The following ENTPD1 variants were observed in gnomAD, a reference collection of about 807,000 sequenced individuals.
The protein encoded by ENTPD1 is ATP diphosphohydrolase.
Under a neutral mutation model 57.0 loss-of-function variants are expected in ENTPD1, and 33 were observed. That is an observed-to-expected ratio of 0.58 (90% CI 0.44 to 0.77). The LOEUF (loss-of-function observed/expected upper bound fraction) is 0.77. Ranked by LOEUF, ENTPD1 falls within the 30% of genes least tolerant of loss-of-function variation. The pLI is 0.00. For missense variants in ENTPD1, 501 were observed against 603.4 expected, an observed-to-expected ratio of 0.83 and a Z score of 1.78; for synonymous variants, 202 against 218.8, an observed-to-expected ratio of 0.92 and a Z score of 0.68.
At chr10:95,770,140 A>G (rs1025170775) in intron 1 of ENTPD1, among the ~76,000 whole-genome samples, 2 of 151,684 alleles carry the variant, frequency 1.3e-5, no homozygotes, top group South Asian at 2.1e-4. Context: ...GTAACTAGAA[A>G]AAAAAAAAAA....
chr10:95,746,341 C>T lies in ENTPD1; in HGVS notation c.37+34348C>T, dbSNP rs557834123. On this transcript the variant is annotated intron_variant, in intron 1 of 9. Coordinates refer to the ENTPD1 transcript ENST00000453258. ...TTTGTGAAGTAGATTAAAAAAAAGA[C>T]CTTTATTTTATGGATACATTGGGGT... 2.0e-5 allele frequency among the ~76,000 whole-genome samples: 3 copies of T among 152,158 alleles called. No individual in the cohort carries two copies. In the East Asian group the frequency reaches 5.8e-4, roughly 29 times the overall value.
upstream of ENTPD1, chr10:95,754,972 G>C (rs182882992): frequency 6.6e-6 from 1 of 152,110 alleles, no homozygotes; most frequent in Non-Finnish European, 1.5e-5. Flanking sequence ...ACAGTCCTTC[G>C]GGCTCACAAA....
rs11188446 is a variant in ENTPD1, at chr10:95,719,747, A to C, written c.37+7754A>C. On this transcript the variant is annotated intron_variant, in intron 1 of 9. Transcript: ENST00000453258. ...AGGACAAGAGTGTCCAGGTATGAGA[A>C]TTGACTCAAGTCTTGGGCTAATGCT... Among the ~76,000 whole-genome samples, 626 of 151,278 alleles carry C rather than the reference A, an allele frequency of 4.1e-3. 5 individuals are homozygous for C. The highest frequency in any genetic ancestry group is 0.024 in the Middle Eastern group (7 of 292).
chr10:95,797,071 T>C (rs2098229522), intron 1 of ENTPD1, among the ~76,000 whole-genome samples: 2 of 152,082 alleles, frequency 1.3e-5, no homozygotes, highest in South Asian at 4.2e-4. Context: ...AGACTCTATC[T>C]GAAAAAAACA....
At chr10:95,721,789 C>T (rs1589643275) in intron 1 of ENTPD1, among the ~76,000 whole-genome samples, 1 of 152,016 alleles carries the variant, frequency 6.6e-6, no homozygotes, top group South Asian at 2.1e-4. Context: ...TTCCAGGGTG[C>T]GTAACTACCC....
chr10:95,716,370 G>A (rs901474663), intron 1 of ENTPD1, among the ~76,000 whole-genome samples: 6 of 152,108 alleles, frequency 3.9e-5, no homozygotes, highest in South Asian at 4.1e-4. Flanking sequence ...GTTCCTATTT[G>A]TTCCTGCATT....
chr10:95,867,195 C>A lies in ENTPD1; in HGVS notation c.*812C>A. Reference sequence around the variant, plus strand: ...GTCACAAAAAATGCATCTTCCAATGCATATTTTTATTATGGTAAAATATAC... The same window carrying A: ...GTCACAAAAAATGCATCTTCCAATGAATATTTTTATTATGGTAAAATATAC... On this transcript the variant is annotated 3_prime_UTR_variant, in exon 10 of 10. Coordinates refer to ENST00000371205, the MANE Select transcript of ENTPD1 (RefSeq NM_001776.6). The A allele has an allele frequency of 7.1e-6, 7 of 984,778 alleles. No homozygotes were observed. Among genetic ancestry groups the A allele is most frequent in the Non-Finnish European group, 8.4e-6 (7 of 829,336 alleles). The allele number at this position is 984,778 out of a possible 1,614,324, so 61.0% of individuals were successfully genotyped here.
intron 2 of ENTPD1, among the ~76,000 whole-genome samples, chr10:95,825,075 A>G (rs1284745472): frequency 1.3e-5 from 2 of 152,224 alleles, no homozygotes; most frequent in African/African-American, 4.8e-5. Context: ...GTGCTGTCCA[A>G]TTTGATAGCC....
chr10:95,852,509 C>T (rs1231067926), intron 7 of ENTPD1, among the ~76,000 whole-genome samples: 1 of 152,186 alleles, frequency 6.6e-6, no homozygotes, highest in Non-Finnish European at 1.5e-5. Flanking sequence ...TTTGCCCATG[C>T]CCATGTCCTG....
At chr10:95,805,838 T>C (rs1404435747) in intron 1 of ENTPD1, among the ~76,000 whole-genome samples, 4 of 152,214 alleles carry the variant, frequency 2.6e-5, no homozygotes, top group African/African-American at 7.2e-5. Flanking sequence ...TTCTGGCTTG[T>C]AGAGTTTCTG....
chr10:95,743,997 C>CACAT (rs1555276227), intron 1 of ENTPD1, among the ~76,000 whole-genome samples: 1 of 80,992 alleles, frequency 1.2e-5, no homozygotes, highest in Non-Finnish European at 2.6e-5. Flanking sequence ...TATTTTAAAC[C>CACAT]ATATATATAT....
chr10:95,809,005 A>G (rs1469894572), intron 1 of ENTPD1, among the ~76,000 whole-genome samples: 1 of 152,118 alleles, frequency 6.6e-6, no homozygotes, highest in Non-Finnish European at 1.5e-5. Flanking sequence ...CCCTGAGTTG[A>G]CACAGCACAT....
Position 95,843,825 on chromosome 10 carries a change from T to G in ENTPD1, c.414-651T>G, listed in dbSNP as rs2098427414. Among the ~76,000 whole-genome samples the G allele has an allele frequency of 2.6e-5, 4 of 152,338 alleles. No homozygotes were observed. In the Middle Eastern group the frequency reaches 0.01, roughly 389 times the overall value. ...ATGCCAGCTGGAAGGTAGCATCCTC[T>G]CGCTCAGAGACTCCCAGTGTTGGGT... On this transcript the variant is annotated intron_variant, in intron 4 of 9. Coordinates refer to ENST00000371205, the MANE Select transcript of ENTPD1 (RefSeq NM_001776.6).
intron 1 of ENTPD1, among the ~76,000 whole-genome samples, chr10:95,770,256 A>AGTGTGTGTGG (rs2098111128): frequency 7.4e-6 from 1 of 135,008 alleles, no homozygotes; most frequent in African/African-American, 2.7e-5. Flanking sequence ...TGAGTGAGTG[A>AGTGTGTGTGG]GTGTGTGTGT....
chr10:95,813,695 G>A (rs1802867312), intron 1 of ENTPD1, among the ~76,000 whole-genome samples: 1 of 152,144 alleles, frequency 6.6e-6, no homozygotes, highest in Admixed American at 6.5e-5. Flanking sequence ...AAGATGGTCT[G>A]GTCAGTTGGG....
intron 2 of ENTPD1, among the ~76,000 whole-genome samples, chr10:95,826,751 T>A (rs1405360357): frequency 1.3e-5 from 2 of 152,092 alleles, no homozygotes; most frequent in Admixed American, 1.3e-4. Context: ...ATTTCAGTTT[T>A]AATCCTAAGA....
chr10:95,842,219 G>A (rs2098424024), intron 3 of ENTPD1, 125 bp from the exon 4 acceptor site: 4 of 851,472 alleles, frequency 4.7e-6, no homozygotes, highest in Non-Finnish European at 7.4e-6. Flanking sequence ...ATAACCTAAT[G>A]TATAGTACAT....
intron 1 of ENTPD1, among the ~76,000 whole-genome samples, chr10:95,786,364 G>T (rs1415311641): frequency 1.3e-5 from 2 of 152,160 alleles, no homozygotes; most frequent in Non-Finnish European, 2.9e-5. Context: ...AGGATGGAGG[G>T]TACTTTGAGC....
At chr10:95,810,172 G>A (rs559225127) in intron 1 of ENTPD1, among the ~76,000 whole-genome samples, 279 of 111,516 alleles carry the variant, frequency 2.5e-3, no homozygotes, top group Non-Finnish European at 2.5e-3. Context: ...CTCACCTCCC[G>A]GACGGGTTGG....
Sources: gnomAD v4.1 joint callset for allele counts (sites outside exome capture counted in the v4.1 genomes callset) on GRCh38, gnomAD v4.1.1 for gene constraint, MANE v1.5 for transcripts, NCBI Gene and HGNC (gene_info 2026-07-23, HGNC 2026-07-21) for gene names.